The following RIN3 variants were observed in gnomAD, a reference collection of about 807,000 sequenced individuals.
RIN3 encodes the protein Ras and Rab interactor 3, also known as RAB5 interacting protein 3.
In RIN3, 54 loss-of-function variants were observed where a neutral mutation model predicts 76.3. That is an observed-to-expected ratio of 0.71 (90% CI 0.57 to 0.89). RIN3 has a LOEUF of 0.89. Among genes scored for constraint, RIN3 ranks in the 40% least tolerant of loss-of-function variants. RIN3 has a pLI of 0.00. For missense variants in RIN3, 1,256 were observed against 1,322.1 expected (o/e 0.95, Z 0.78); for synonymous variants, 576 against 564.0 (o/e 1.02, Z -0.30).
In RIN3 at chr14:92,652,259, A is replaced by C. The variant is rs1307998190; in HGVS notation, c.1210A>C (p.Met404Leu). The part of the protein sequence containing the change: ...RVSLEDQSPG[M>L]AAEGDQLSLP... Reference sequence around the variant, plus strand: ...GTCCTTAGAAGACCAAAGTCCGGGGATGGCGGCAGAGGGGGACCAGCTCAG... The same window carrying C: ...GTCCTTAGAAGACCAAAGTCCGGGGCTGGCGGCAGAGGGGGACCAGCTCAG... Residue 404 changes from methionine (M) to leucine (L), a missense_variant, in exon 6 of 10, where the codon ATG becomes CTG. This residue lies in a region of RIN3 where 610 missense variants were observed against 626.4 expected (regional missense o/e 0.97). Coordinates refer to ENST00000216487, the MANE Select transcript of RIN3 (RefSeq NM_024832.5). The surrounding 1 kb of genome is among the most constrained non-coding windows in gnomAD (Gnocchi z 6.4). The C allele has an allele frequency of 6.2e-7, 1 of 1,611,046 alleles. No homozygotes were observed. Among genetic ancestry groups the C allele is most frequent in the East Asian group, 2.2e-5 (1 of 44,774 alleles).
chr14:92,610,057 A>G (rs1885673880), intron 3 of RIN3, among the ~76,000 whole-genome samples: 1 of 152,192 alleles, frequency 6.6e-6, no homozygotes, highest in South Asian at 2.1e-4. Context: ...ATTAAATATC[A>G]TACAATTCAG....
At chr14:92,551,574 A>G (rs568554147) in intron 1 of RIN3, among the ~76,000 whole-genome samples, 4 of 152,358 alleles carry the variant, frequency 2.6e-5, no homozygotes, top group South Asian at 2.1e-4. Flanking sequence ...CCAAGAGTAC[A>G]CTAGCATTCT....
intron 7 of RIN3, among the ~76,000 whole-genome samples, chr14:92,672,837 C>T (rs1003085309): frequency 6.6e-6 from 1 of 152,158 alleles, no homozygotes; most frequent in Admixed American, 6.5e-5. Flanking sequence ...CTTTTCTGCC[C>T]AGCTCCAGGC....
intron 1 of RIN3, among the ~76,000 whole-genome samples, chr14:92,549,048 C>T (rs1308456135): frequency 3.3e-5 from 5 of 152,166 alleles, no homozygotes; most frequent in Admixed American, 1.3e-4. Flanking sequence ...TCTGTGTACT[C>T]ATGGTGCTTT....
chr14:92,628,286 A>G (rs2140117029), intron 4 of RIN3, among the ~76,000 whole-genome samples: 1 of 152,346 alleles, frequency 6.6e-6, no homozygotes, highest in Middle Eastern at 3.4e-3. Flanking sequence ...CTTTCCCAGT[A>G]GAGAGTAAAC....
At chr14:92,604,412 G>A (rs1265256399) in intron 3 of RIN3, among the ~76,000 whole-genome samples, 1 of 152,228 alleles carries the variant, frequency 6.6e-6, no homozygotes, top group Non-Finnish European at 1.5e-5. Flanking sequence ...TGGGTAATAG[G>A]TGGATTTGGA....
At chr14:92,664,572 G>A (rs538423867) in intron 7 of RIN3, among the ~76,000 whole-genome samples, 8 of 151,472 alleles carry the variant, frequency 5.3e-5, no homozygotes, top group South Asian at 2.1e-4. Flanking sequence ...GGGTTTCACC[G>A]TGTTGCCCAG....
chr14:92,657,074 C>T (rs1239187773), intron 6 of RIN3, among the ~76,000 whole-genome samples: 12 of 152,132 alleles, frequency 7.9e-5, no homozygotes, highest in Non-Finnish European at 1.5e-5. Flanking sequence ...AAAGGCCAGA[C>T]AGGGCGGGGT....
At position 92,652,134 on chromosome 14, in the gene RIN3, G is replaced by T. The variant is rs1307426235; in HGVS notation, c.1085G>T (p.Gly362Val). 1.9e-6 allele frequency: 3 copies of T among 1,608,648 alleles called. No individual in the cohort carries two copies. Among genetic ancestry groups the T allele is most frequent in the Non-Finnish European group, 8.5e-7 (1 of 1,179,166 alleles). Residue 362 changes from glycine (G) to valine (V), a missense_variant, in exon 6 of 10, where the codon GGG becomes GTG. Gly to Val is a moderately radical substitution (Grantham distance 109). Around this residue, in one of 3 missense-constraint regions of RIN3, gnomAD observed 610 missense variants for 626.4 expected, o/e 0.97. Coordinates refer to ENST00000216487, the MANE Select transcript of RIN3 (RefSeq NM_024832.5). The surrounding 1 kb of genome is among the most constrained non-coding windows in gnomAD (Gnocchi z 6.4). The stretch of plus-strand genomic sequence containing the variant: ...CTCAGGGAGGAAGCGATGAAGCCAG[G>T]GGCAGCCTCCAGTCCCTTGCAGCAG... ...GPLREEAMKPGAASSPLQQVP... is the reference protein window; with the variant it reads ...GPLREEAMKPVAASSPLQQVP...
intron 7 of RIN3, among the ~76,000 whole-genome samples, chr14:92,670,000 GTCC>G (rs1287827155): frequency 2.6e-5 from 4 of 151,764 alleles, no homozygotes; most frequent in Admixed American, 2.6e-4. Context: ...AGCTCAAGCA[GTCC>G]TCCTACCTCA....
At chr14:92,600,565 G>T (rs1158070398) in intron 3 of RIN3, among the ~76,000 whole-genome samples, 3 of 152,254 alleles carry the variant, frequency 2.0e-5, no homozygotes, top group African/African-American at 7.2e-5. Context: ...CTGGTGAAGA[G>T]GATGGAGCGT....
chr14:92,664,850 T>A (rs1382050609), intron 7 of RIN3, among the ~76,000 whole-genome samples: 2 of 152,240 alleles, frequency 1.3e-5, no homozygotes, highest in East Asian at 3.8e-4. Flanking sequence ...CATAAATTTA[T>A]GTTAATACAG....
At chr14:92,609,879 GTGTGTGTA>G (rs1390090672) in intron 3 of RIN3, among the ~76,000 whole-genome samples, 441 of 42,090 alleles carry the variant, frequency 0.01, 1 homozygote, top group African/African-American at 0.023. Flanking sequence ...GTGTGTGTGT[GTGTGTGTA>G]TGTATGTGTG....
In RIN3 at chr14:92,514,749, G is replaced by T. The variant is rs143326689; in HGVS notation, c.44+773G>T. Among the ~76,000 whole-genome samples, 1 of 152,206 alleles carries T rather than the reference G, an allele frequency of 6.6e-6. No homozygotes were observed. The highest frequency in any genetic ancestry group is 1.5e-5 in the Non-Finnish European group (1 of 68,040). ...CACCTCGCGAGCTCGGGCATTGCTC[G>T]GGGCTGGGCTCTGGGAGAAAGTCCT... On this transcript the variant is annotated intron_variant, in intron 1 of 9. Transcript: ENST00000216487. The surrounding 1 kb of genome is among the most constrained non-coding windows in gnomAD (Gnocchi z 7.2).
chr14:92,566,428 C>T (rs971557888), intron 2 of RIN3, among the ~76,000 whole-genome samples: 12 of 152,180 alleles, frequency 7.9e-5, no homozygotes, highest in African/African-American at 2.9e-4. Flanking sequence ...TTAGGGAACA[C>T]ATATTGTTCC....
intron 7 of RIN3, among the ~76,000 whole-genome samples, chr14:92,662,392 G>GA (rs1469533744): frequency 6.6e-6 from 1 of 152,244 alleles, no homozygotes; most frequent in Non-Finnish European, 1.5e-5. Flanking sequence ...CCCTGGGGGG[G>GA]ATCATGGAAG....
intron 1 of RIN3, among the ~76,000 whole-genome samples, chr14:92,522,615 T>C (rs960277248): frequency 6.6e-6 from 1 of 152,220 alleles, no homozygotes; most frequent in African/African-American, 2.4e-5. Context: ...TTGACTTCTT[T>C]CCAAGTCCCC....
At chr14:92,669,337 T>C (rs1472330862) in intron 7 of RIN3, among the ~76,000 whole-genome samples, 1 of 152,040 alleles carries the variant, frequency 6.6e-6, no homozygotes, top group Non-Finnish European at 1.5e-5. Context: ...CTGAGGAGTG[T>C]TGGAGGAGTT....
chr14:92,562,674 T>G (rs1005264776), intron 2 of RIN3, among the ~76,000 whole-genome samples: 2 of 152,140 alleles, frequency 1.3e-5, no homozygotes, highest in Non-Finnish European at 2.9e-5. Context: ...ACTGTGCATG[T>G]GGGTGTGTGT....
Sources: gnomAD v4.1 joint callset for allele counts (sites outside exome capture counted in the v4.1 genomes callset) on GRCh38, gnomAD v4.1.1 for gene constraint, gnomAD v4.1.1 regional missense constraint, Gnocchi (gnomAD v3.1) non-coding constraint, MANE v1.5 for transcripts, NCBI Gene and HGNC (gene_info 2026-07-23, HGNC 2026-07-21) for gene names.